The following ACAA2 variants were observed in gnomAD, a reference collection of about 807,000 sequenced individuals.
ACAA2 encodes the protein acetyl-CoA acyltransferase 2.
A neutral mutation model predicts 44.8 loss-of-function variants in ACAA2; 35 were observed. That is an observed-to-expected ratio of 0.78 (90% CI 0.60 to 1.04). ACAA2 has a LOEUF of 1.04. Among genes scored for constraint, ACAA2 ranks in the 50% least tolerant of loss-of-function variants. The pLI is 0.00. For synonymous variants in ACAA2, 142 were observed against 166.5 expected (o/e 0.85, Z 1.13); for missense variants, 468 against 482.6 (o/e 0.97, Z 0.28).
At chr18:49,801,210 G>A (rs1423018390) in intron 2 of ACAA2, among the ~76,000 whole-genome samples, 8 of 152,082 alleles carry the variant, frequency 5.3e-5, no homozygotes, top group African/African-American at 1.4e-4. Flanking sequence ...TAACCATAAA[G>A]GCCTAACCCC....
chr18:49,789,487 G>A (rs1163583776), intron 7 of ACAA2, among the ~76,000 whole-genome samples: 1 of 152,164 alleles, frequency 6.6e-6, no homozygotes, highest in African/African-American at 2.4e-5. Context: ...TACCACAGGA[G>A]CATTCTTTGT....
At chr18:49,786,582 C>G (rs1006947830) in intron 8 of ACAA2, 10 of 152,192 alleles carry the variant, frequency 6.6e-5, no homozygotes, top group African/African-American at 2.4e-4. Context: ...CCTTCGCTAT[C>G]AAGTTAAATA....
intron 2 of ACAA2, among the ~76,000 whole-genome samples, chr18:49,799,315 C>T (rs1022963004): frequency 5.3e-5 from 8 of 152,122 alleles, no homozygotes. Context: ...AACCTCCCTG[C>T]CTGATTCTCC....
At chr18:49,791,035 A>G (rs949193390) in intron 7 of ACAA2, among the ~76,000 whole-genome samples, 1 of 152,188 alleles carries the variant, frequency 6.6e-6, no homozygotes, top group African/African-American at 2.4e-5. Context: ...AGACGTGGGA[A>G]GACTGAATGT....
At position 49,791,561 on chromosome 18, in the gene ACAA2, A is replaced by ACTAGC. The variant is rs773079803; in HGVS notation, c.787_791dup (p.Ser264ArgfsTer43). ...AGTTATGTTTCTTAACAGCATCTTCACTAGCTATGATAACAGCTCCAGCAC... is the reference window on the plus strand; with the variant it reads ...AGTTATGTTTCTTAACAGCATCTTCACTAGCCTAGCTATGATAACAGCTCCAGCAC... On this transcript the variant is annotated frameshift_variant, in exon 7 of 10. Coordinates refer to ENST00000285093, the MANE Select transcript of ACAA2 (RefSeq NM_006111.3). LOFTEE classifies it high-confidence loss of function. The ACTAGC allele has an allele frequency of 2.4e-5, 38 of 1,613,358 alleles. No individual in the cohort carries two copies. The highest frequency in any genetic ancestry group is 3.1e-5 in the Non-Finnish European group (36 of 1,179,876).
At chr18:49,806,831 A>C (rs1467724135) in intron 1 of ACAA2, among the ~76,000 whole-genome samples, 1 of 152,218 alleles carries the variant, frequency 6.6e-6, no homozygotes, top group Non-Finnish European at 1.5e-5. Flanking sequence ...ACTGGAAAAT[A>C]CCTGAAATAA....
Position 49,794,315 on chromosome 18 carries a change from T to A in ACAA2, c.542A>T (p.Lys181Ile). 1 of 1,609,722 alleles carries A rather than the reference T, an allele frequency of 6.2e-7. No individual in the cohort carries two copies. Among genetic ancestry groups the A allele is most frequent in the Non-Finnish European group, 8.5e-7 (1 of 1,179,286 alleles). Residue 181 changes from lysine to isoleucine, a missense_variant, in exon 5 of 10, where the codon AAA becomes ATA. Lys to Ile is a moderately radical substitution (Grantham distance 102). Coordinates refer to ENST00000285093, the MANE Select transcript of ACAA2 (RefSeq NM_006111.3). ...KHKISREECDKYALQSQQRWK... is the reference protein window; with the variant it reads ...KHKISREECDIYALQSQQRWK... ...TCTCTGCTGTGACTGCAGGGCATAT[T>A]TGTCACATTCTTCTCTGCTTATTTT...
chr18:49,786,490 G>T (rs1277769321), intron 8 of ACAA2: 1 of 152,182 alleles, frequency 6.6e-6, no homozygotes, highest in African/African-American at 2.4e-5. Context: ...AAGTGGAAGA[G>T]ATTTAAAGAT....
intron 5 of ACAA2, among the ~76,000 whole-genome samples, chr18:49,792,957 A>C (rs1598794302): frequency 6.6e-6 from 1 of 152,188 alleles, no homozygotes; most frequent in East Asian, 1.9e-4. Flanking sequence ...TATATTTTTA[A>C]AAATTATATT....
At chr18:49,794,050 T>C (rs996205978) in intron 5 of ACAA2, among the ~76,000 whole-genome samples, 4 of 152,186 alleles carry the variant, frequency 2.6e-5, no homozygotes, top group African/African-American at 9.7e-5. Flanking sequence ...TAGGGTCAAG[T>C]AGCAATACCA....
At chr18:49,793,735 C>T (rs376743881) in intron 5 of ACAA2, among the ~76,000 whole-genome samples, 9 of 152,146 alleles carry the variant, frequency 5.9e-5, no homozygotes, top group Non-Finnish European at 8.8e-5. Context: ...TGTTTTGGAC[C>T]GGCTCTATAG....
At position 49,795,812 on chromosome 18, in the gene ACAA2, A is replaced by G. The variant is rs751705759; in HGVS notation, c.382T>C (p.Cys128Arg). The change falls in exon 4 of 10, where the codon TGT (cysteine) becomes CGT (arginine). Residue 128 changes from cysteine (C) to arginine (R), a missense_variant. Physicochemically the swap from Cys to Arg is radical, Grantham distance 180. Coordinates refer to ENST00000285093, the MANE Select transcript of ACAA2 (RefSeq NM_006111.3). ...GTESMSQAPY[C>R]VRNVRFGTKL... ...GTTCCAAAACGCACATTTCTGACAC[A>G]GTAGGGAGCTTGGCTCATGCTTTCG... is the stretch of plus-strand genomic sequence containing the variant. The G allele has an allele frequency of 1.2e-6, 2 of 1,611,994 alleles. No homozygotes were observed. Among genetic ancestry groups the G allele is most frequent in the Admixed American group, 1.7e-5 (1 of 59,710 alleles).
Position 49,783,880 on chromosome 18 carries a change from T to C in ACAA2, c.1161A>G (p.Gln387=), listed in dbSNP as rs528023058. The C allele has an allele frequency of 3.1e-6, 5 of 1,614,004 alleles. No individual in the cohort carries two copies. In the African/African-American group the frequency reaches 4.0e-5, roughly 13 times the overall value. The change falls in exon 10 of 10, where the codon CAA becomes CAG. Residue 387 remains glutamine (Q), a synonymous_variant. Transcript: ENST00000285093. The part of the protein sequence containing the change: ...AVGSACIGGG[Q]GIAVIIQSTA Reference sequence around the variant, plus strand: ...TGCTCTGAATGATGACAGCAATACCTTGGCCACCTCCAATGCAAGCTGATC... The same window carrying C: ...TGCTCTGAATGATGACAGCAATACCCTGGCCACCTCCAATGCAAGCTGATC...
chr18:49,809,042 C>A (rs963608889), intron 1 of ACAA2, among the ~76,000 whole-genome samples: 19 of 152,120 alleles, frequency 1.2e-4, no homozygotes, highest in African/African-American at 4.6e-4. Flanking sequence ...GAATACAATT[C>A]TTTTCCTAGG....
intron 8 of ACAA2, chr18:49,786,218 T>C (rs1321035584): frequency 6.6e-6 from 1 of 152,164 alleles, no homozygotes; most frequent in Non-Finnish European, 1.5e-5. Context: ...CTACTCTATA[T>C]ACAGAGCCAT....
At chr18:49,785,384 C>A in intron 8 of ACAA2, 33 bp from the exon 9 acceptor site, 2 of 1,606,178 alleles carry the variant, frequency 1.2e-6, no homozygotes, top group South Asian at 2.2e-5. Context: ...TAACAAAAAT[C>A]CTTACTCACA....
chr18:49,791,408 A>C, intron 7 of ACAA2, 62 bp downstream of exon 7: 2 of 1,550,480 alleles, frequency 1.3e-6, no homozygotes, highest in Non-Finnish European at 1.8e-6. Context: ...AGGACTCTGA[A>C]TGCCAAAGAA....
At chr18:49,806,852 G>A (rs944475528) in intron 1 of ACAA2, among the ~76,000 whole-genome samples, 1 of 151,952 alleles carries the variant, frequency 6.6e-6, no homozygotes, top group Non-Finnish European at 1.5e-5. Context: ...AAAATTCCCT[G>A]GATGGGCTTA....
rs1235312509 is a variant in ACAA2, at chr18:49,783,716, C to T, written c.*131G>A. The T allele has an allele frequency of 2.9e-6, 2 of 689,562 alleles. No individual in the cohort carries two copies. Among genetic ancestry groups the T allele is most frequent in the African/African-American group, 3.6e-5 (2 of 55,704 alleles). 42.7% of individuals were successfully genotyped at this position (689,562 alleles called of 1,614,324 possible). On this transcript the variant is annotated 3_prime_UTR_variant, in exon 10 of 10. Coordinates refer to ENST00000285093, the MANE Select transcript of ACAA2 (RefSeq NM_006111.3). ...TCAATGCATTTTTGTGTCACCATGG[C>T]TTGATCAAACTTAATCACTGTTTCA...
Sources: gnomAD v4.1 joint callset for allele counts (sites outside exome capture counted in the v4.1 genomes callset) on GRCh38, gnomAD v4.1.1 for gene constraint, MANE v1.5 for transcripts, NCBI Gene and HGNC (gene_info 2026-07-23, HGNC 2026-07-21) for gene names.